XKR4: variants seen among roughly 807,000 people sequenced by gnomAD.
XKR4 encodes XK-related protein 4.
XKR4 carries 12 observed loss-of-function variants against 53.9 expected under a neutral mutation model. The ratio of observed to expected loss-of-function variants is 0.22; its 90% CI spans 0.14 to 0.36. The LOEUF is 0.36. Ranked by LOEUF, XKR4 falls within the 10% of genes least tolerant of loss-of-function variation. The probability of loss-of-function intolerance (pLI) is 1.00; values close to 1 mark genes in which losing one functional copy is unlikely to be tolerated. For missense variants in XKR4, 799 were observed against 859.5 expected, an observed-to-expected ratio of 0.93 and a Z score of 0.88; for synonymous variants, 354 against 362.4, an observed-to-expected ratio of 0.98 and a Z score of 0.26.
chr8:55,146,907 T>C (rs1341951269), intron 1 of XKR4, among the ~76,000 whole-genome samples: 2 of 152,322 alleles, frequency 1.3e-5, no homozygotes, highest in Middle Eastern at 3.4e-3. Flanking sequence ...CTGCCCACGC[T>C]GGAGCTCCCT....
At chr8:55,370,870 G>A (rs1035143138) in intron 2 of XKR4, among the ~76,000 whole-genome samples, 5 of 152,146 alleles carry the variant, frequency 3.3e-5, no homozygotes, top group Non-Finnish European at 2.9e-5. Context: ...CAGAGCAGGC[G>A]ATCCTGGGTG....
rs1474812359 is a variant in XKR4 at position 55,523,403 on chromosome 8, T to G, written c.1129T>G (p.Cys377Gly). The part of the protein sequence containing the change: ...ISYMAVIIQF[C>G]WHFFTIAARV... ...CTACATGGCCGTCATCATCCAGTTC[T>G]GCTGGCACTTCTTCACCATCGCCGC... The change falls in exon 3 of 3, where the codon TGC becomes GGC. Residue 377 changes from cysteine (C) to glycine (G), a missense_variant. Cys to Gly is a radical substitution (Grantham distance 159). This residue lies in a region of XKR4 where 54 missense variants were observed against 89.7 expected (regional missense o/e 0.60). Transcript: ENST00000327381. 1.9e-6 allele frequency: 3 copies of G among 1,614,256 alleles called. No individual in the cohort carries two copies. Among genetic ancestry groups the G allele is most frequent in the Non-Finnish European group, 2.5e-6 (3 of 1,180,046 alleles).
intron 2 of XKR4, among the ~76,000 whole-genome samples, chr8:55,387,443 A>G (rs1287973718): frequency 1.3e-5 from 2 of 151,850 alleles, no homozygotes; most frequent in East Asian, 3.9e-4. Flanking sequence ...GAGATGCTGG[A>G]GCTCTTTCTT....
intron 1 of XKR4, among the ~76,000 whole-genome samples, chr8:55,315,286 C>T (rs548442824): frequency 1.3e-5 from 2 of 152,270 alleles, no homozygotes; most frequent in South Asian, 2.1e-4. Context: ...GTCAGGTGTT[C>T]GGAGTCCAGC....
At chr8:55,414,771 CG>C (rs973410852) in intron 2 of XKR4, among the ~76,000 whole-genome samples, 3 of 151,982 alleles carry the variant, frequency 2.0e-5, no homozygotes, top group African/African-American at 7.2e-5. Context: ...TGCAATTTTC[CG>C]AGCCATCTTT....
At chr8:55,113,238 GA>G (rs1438061948) in intron 1 of XKR4, among the ~76,000 whole-genome samples, 4 of 152,198 alleles carry the variant, frequency 2.6e-5, no homozygotes, top group African/African-American at 9.7e-5. Flanking sequence ...AAATACTCTA[GA>G]AAATATCACT....
At position 55,479,806 on chromosome 8, in the gene XKR4, G is replaced by T. The variant is rs554048861; in HGVS notation, c.1007-43475G>T. On this transcript the variant is annotated intron_variant, in intron 2 of 2. Transcript: ENST00000327381. ...ATAAACTAGAAAATCTGGAAGAAAT[G>T]GATAAATTCCTCAACAAACACACTC... Among the ~76,000 whole-genome samples the T allele has an allele frequency of 5.9e-5, 9 of 152,238 alleles. 1 individual carries two copies. Among genetic ancestry groups the T allele is most frequent in the African/African-American group, 1.9e-4 (8 of 41,544 alleles).
At chr8:55,245,204 G>A (rs1321556878) in intron 1 of XKR4, among the ~76,000 whole-genome samples, 3 of 152,086 alleles carry the variant, frequency 2.0e-5, no homozygotes, top group Non-Finnish European at 2.9e-5. Flanking sequence ...ACCATGCCCG[G>A]CCCTTTGCCT....
chr8:55,429,899 C>T (rs991202576), intron 2 of XKR4, among the ~76,000 whole-genome samples: 2 of 152,042 alleles, frequency 1.3e-5, no homozygotes, highest in African/African-American at 4.8e-5. Flanking sequence ...TGACGAATGA[C>T]TCATATCTAG....
intron 1 of XKR4, among the ~76,000 whole-genome samples, chr8:55,233,407 G>T (rs188079950): frequency 5.3e-4 from 80 of 150,926 alleles, no homozygotes; most frequent in African/African-American, 1.9e-3. Context: ...TTTAAACCAG[G>T]TCAAAGTTAT....
At chr8:55,147,583 C>T (rs931150681) in intron 1 of XKR4, among the ~76,000 whole-genome samples, 1 of 152,306 alleles carries the variant, frequency 6.6e-6, no homozygotes, top group South Asian at 2.1e-4. Flanking sequence ...TCCGAGGAGG[C>T]AAGAGGCTTG....
rs146706946 is a variant in XKR4 at position 55,399,780 on chromosome 8, C to T, written c.1006+41903C>T. On this transcript the variant is annotated intron_variant, in intron 2 of 2. Transcript: ENST00000327381. Reference sequence around the variant, plus strand: ...TTCTACATAGGAGGGCTGGGCAAGGCGAGTTAACCTAAGAACAGAAGAGAA... The same window carrying T: ...TTCTACATAGGAGGGCTGGGCAAGGTGAGTTAACCTAAGAACAGAAGAGAA... Among the ~76,000 whole-genome samples, 742 of 152,258 alleles carry T rather than the reference C, an allele frequency of 4.9e-3. 11 individuals carry two copies. The highest frequency in any genetic ancestry group is 0.017 in the African/African-American group (698 of 41,548).
At chr8:55,280,631 C>T (rs1563314326) in intron 1 of XKR4, among the ~76,000 whole-genome samples, 2 of 152,154 alleles carry the variant, frequency 1.3e-5, no homozygotes, top group African/African-American at 4.8e-5. Context: ...TCACTCTTTA[C>T]TTTGGCATAA....
At chr8:55,287,915 C>T (rs747264341) in intron 1 of XKR4, among the ~76,000 whole-genome samples, 1 of 152,252 alleles carries the variant, frequency 6.6e-6, no homozygotes, top group Non-Finnish European at 1.5e-5. Flanking sequence ...TAGAACCTGA[C>T]AGAATTTACT....
At chr8:55,147,014 T>G (rs1310949302) in intron 1 of XKR4, among the ~76,000 whole-genome samples, 1 of 152,198 alleles carries the variant, frequency 6.6e-6, no homozygotes, top group Non-Finnish European at 1.5e-5. Context: ...AAATGCTGTT[T>G]TTGAAAATAA....
chr8:55,398,693 G>A (rs1293316473), intron 2 of XKR4, among the ~76,000 whole-genome samples: 1 of 152,180 alleles, frequency 6.6e-6, no homozygotes, highest in East Asian at 1.9e-4. Context: ...TCCAGGAGGA[G>A]ACAAGAAGGA....
intron 1 of XKR4, among the ~76,000 whole-genome samples, chr8:55,225,293 A>C (rs1321059143): frequency 6.6e-6 from 1 of 152,248 alleles, no homozygotes; most frequent in Non-Finnish European, 1.5e-5. Context: ...CTACAAGATA[A>C]ACAGTTACTT....
At chr8:55,504,135 A>G (rs548646251) in intron 2 of XKR4, among the ~76,000 whole-genome samples, 1 of 152,128 alleles carries the variant, frequency 6.6e-6, no homozygotes, top group South Asian at 2.1e-4. Flanking sequence ...TTTTTGCATC[A>G]ATGTTCATAA....
At chr8:55,138,180 C>T (rs1369315754) in intron 1 of XKR4, among the ~76,000 whole-genome samples, 1 of 151,750 alleles carries the variant, frequency 6.6e-6, no homozygotes, top group African/African-American at 2.4e-5. Context: ...TTTTTGTTCT[C>T]AGGCTGTCTC....
Sources: gnomAD v4.1 joint callset for allele counts (sites outside exome capture counted in the v4.1 genomes callset) on GRCh38, gnomAD v4.1.1 for gene constraint, gnomAD v4.1.1 regional missense constraint, MANE v1.5 for transcripts, NCBI Gene and HGNC (gene_info 2026-07-23, HGNC 2026-07-21) for gene names.